The following COL4A2 variants were observed in gnomAD, a reference collection of about 807,000 sequenced individuals.
COL4A2 encodes collagen alpha-2(IV) chain.
In COL4A2, 99 loss-of-function variants were observed where a neutral mutation model predicts 200.2. The ratio of observed to expected loss-of-function variants is 0.49; its 90% CI spans 0.42 to 0.58. COL4A2 has a LOEUF of 0.58. Among genes scored for constraint, COL4A2 ranks in the 20% least tolerant of loss-of-function variants. COL4A2 has a pLI of 0.00. For missense variants in COL4A2, 1,950 were observed against 2,314.1 expected (o/e 0.84, Z 3.23); for synonymous variants, 897 against 900.6 (o/e 1.00, Z 0.07).
rs1451528719 is a variant in COL4A2 at position 110,512,081 on chromosome 13, A to C, written c.5029A>C (p.Thr1677Pro). ...CGCCAACAAGTACAGCTTCTGGCTG[A>C]CCACCATTCCCGAGCAGAGCTTCCA... Reference protein sequence around the residue: ...YYANKYSFWLTTIPEQSFQGS... With the variant: ...YYANKYSFWLPTIPEQSFQGS... The change falls in exon 48 of 48, where the codon ACC becomes CCC. Residue 1677 changes from threonine to proline, a missense_variant. Thr to Pro is a conservative substitution (Grantham distance 38). Transcript: ENST00000360467. The C allele has an allele frequency of 6.2e-7, 1 of 1,613,798 alleles. No homozygotes were observed. Among genetic ancestry groups the C allele is most frequent in the Non-Finnish European group, 8.5e-7 (1 of 1,180,042 alleles).
chr13:110,357,366 A>G, intron 3 of COL4A2, 106 bp from the exon 4 acceptor site: 1 of 1,460,274 alleles, frequency 6.8e-7, no homozygotes, highest in Non-Finnish European at 9.2e-7. Context: ...GTTTTGAATG[A>G]ATCGTTTCTA....
intron 3 of COL4A2, among the ~76,000 whole-genome samples, chr13:110,332,413 T>C (rs2139362891): frequency 6.6e-6 from 1 of 152,312 alleles, no homozygotes; most frequent in South Asian, 2.1e-4. Context: ...CGGTCAGAGA[T>C]TCAAATGCAA....
intron 20 of COL4A2, among the ~76,000 whole-genome samples, chr13:110,455,866 C>T (rs566061251): frequency 6.6e-6 from 1 of 152,328 alleles, no homozygotes; most frequent in Non-Finnish European, 1.5e-5. Flanking sequence ...GGCCTCATCC[C>T]CTGCTCCTCT....
chr13:110,504,235 T>C lies in COL4A2; in HGVS notation c.4373T>C (p.Ile1458Thr), dbSNP rs761897034. The C allele has an allele frequency of 8.1e-6, 13 of 1,613,992 alleles. No homozygotes were observed. Among genetic ancestry groups the C allele is most frequent in the South Asian group, 1.1e-5 (1 of 91,080 alleles). ...VPGFRGDEGPIGHQGPIGQEG... is the reference protein window; with the variant it reads ...VPGFRGDEGPTGHQGPIGQEG... ...GGCTTCCGGGGAGATGAAGGACCCATAGGCCACCAGGGGCCGATTGGCCAA... is the reference window on the plus strand; with the variant it reads ...GGCTTCCGGGGAGATGAAGGACCCACAGGCCACCAGGGGCCGATTGGCCAA... Residue 1458 changes from isoleucine to threonine, a missense_variant, in exon 45 of 48, where the codon ATA (isoleucine) becomes ACA (threonine). Physicochemically the swap from Ile to Thr is moderately conservative, Grantham distance 89. This residue lies in a region of COL4A2 where 1,385 missense variants were observed against 1,720.5 expected (regional missense o/e 0.80). Transcript: ENST00000360467.
chr13:110,482,035 T>C (rs1882950990), intron 31 of COL4A2, among the ~76,000 whole-genome samples: 1 of 152,230 alleles, frequency 6.6e-6, no homozygotes, highest in Admixed American at 6.5e-5. Flanking sequence ...GGTTGGTCTT[T>C]CCATTACTAG....
chr13:110,307,920 G>T lies in COL4A2; in HGVS notation c.17G>T (p.Arg6Leu), dbSNP rs1189428009. Residue 6 changes from arginine to leucine, a missense_variant, in exon 2 of 48, where the codon CGC becomes CTC. Physicochemically the swap from Arg to Leu is moderately radical, Grantham distance 102. This residue lies in a region of COL4A2 where 565 missense variants were observed against 593.5 expected (regional missense o/e 0.95). Coordinates refer to ENST00000360467, the MANE Select transcript of COL4A2 (RefSeq NM_001846.4). The surrounding 1 kb of genome is among the most constrained non-coding windows in gnomAD (Gnocchi z 5.0). Reference sequence around the variant, plus strand: ...ACCGCCAGCATGGGGAGAGACCAGCGCGCGGTGGCCGGCCCTGCCCTACGG... The same window carrying T: ...ACCGCCAGCATGGGGAGAGACCAGCTCGCGGTGGCCGGCCCTGCCCTACGG... MGRDQRAVAGPALRRW... is the reference protein window; with the variant it reads MGRDQLAVAGPALRRW... The T allele has an allele frequency of 6.2e-7, 1 of 1,612,864 alleles. No homozygotes were observed. The highest frequency in any genetic ancestry group is 8.5e-7 in the Non-Finnish European group (1 of 1,179,686).
At chr13:110,357,359 T>C in intron 3 of COL4A2, 113 bp from the exon 4 acceptor site, 1 of 1,445,034 alleles carries the variant, frequency 6.9e-7, no homozygotes, top group African/African-American at 1.4e-5. Flanking sequence ...ATTGAATGTT[T>C]TGAATGAATC....
intron 38 of COL4A2, among the ~76,000 whole-genome samples, chr13:110,492,462 C>A (rs9559824): frequency 1.3e-5 from 2 of 152,168 alleles, no homozygotes; most frequent in African/African-American, 4.8e-5. Context: ...CACTTGTCAT[C>A]GCCACACAGG....
chr13:110,457,837 G>T, intron 21 of COL4A2: 1 of 464,584 alleles, frequency 2.2e-6, no homozygotes. Context: ...GCAAGGTGCT[G>T]GTATAGTCAC....
chr13:110,485,516 C>T (rs111778927), intron 33 of COL4A2, 139 bp from the exon 34 acceptor site: 1 of 602,074 alleles, frequency 1.7e-6, no homozygotes, highest in Non-Finnish European at 2.7e-6. Context: ...GAGCGAGACT[C>T]CGTCTCAAAA....
In COL4A2 at chr13:110,508,315, G is replaced by T; in HGVS notation, c.4881+94G>T. ...TTTGTGAGAAGAATCAGACACGGCA[G>T]TCCAGGGTGTGCACTGCACAAGGGT... On this transcript the variant is annotated intron_variant, in intron 47 of 47. Coordinates refer to ENST00000360467, the MANE Select transcript of COL4A2 (RefSeq NM_001846.4). The surrounding 1 kb of genome is among the most constrained non-coding windows in gnomAD (Gnocchi z 6.1). 1 of 1,558,598 alleles carries T rather than the reference G, an allele frequency of 6.4e-7. No individual in the cohort carries two copies. Among genetic ancestry groups the T allele is most frequent in the African/African-American group, 1.3e-5 (1 of 74,340 alleles).
intron 3 of COL4A2, among the ~76,000 whole-genome samples, chr13:110,324,059 T>G (rs1310316069): frequency 6.6e-6 from 1 of 152,280 alleles, no homozygotes; most frequent in African/African-American, 2.4e-5. Flanking sequence ...ATGCAAAATA[T>G]GCTTCAACTG....
At chr13:110,308,708 AC>A (rs1197086843) in intron 3 of COL4A2, among the ~76,000 whole-genome samples, 1 of 151,950 alleles carries the variant, frequency 6.6e-6, no homozygotes, top group African/African-American at 2.4e-5. Flanking sequence ...CGGGCGCCAC[AC>A]TGGGATCCTG....
rs1594157112 is a variant in COL4A2, at chr13:110,341,014, T to A, written c.100-16458T>A. 2.0e-5 allele frequency: 3 copies of A among 152,400 alleles called. No homozygotes were observed. The East Asian group carries it at 5.8e-4, about 29-fold the overall frequency. 9.4% of individuals were successfully genotyped at this position (152,400 alleles called of 1,614,324 possible). Reference sequence around the variant, plus strand: ...TCAGTGTTTGACTGTTTATGGTATGTCAGGGAGCTGGTTCCTGGCAGTGGC... The same window carrying A: ...TCAGTGTTTGACTGTTTATGGTATGACAGGGAGCTGGTTCCTGGCAGTGGC... On this transcript the variant is annotated intron_variant, in intron 3 of 47. Transcript: ENST00000360467.
At chr13:110,461,285 CTG>C (rs1251033272) in intron 22 of COL4A2, among the ~76,000 whole-genome samples, 12 of 152,234 alleles carry the variant, frequency 7.9e-5, no homozygotes, top group Non-Finnish European at 1.6e-4. Flanking sequence ...TCCTAAACGA[CTG>C]TGTTTTAGAG....
chr13:110,426,238 G>A (rs928088171), intron 6 of COL4A2, among the ~76,000 whole-genome samples: 1 of 152,188 alleles, frequency 6.6e-6, no homozygotes, highest in Non-Finnish European at 1.5e-5. Flanking sequence ...TGAAATCTGA[G>A]TTAAAATGGA....
intron 4 of COL4A2, among the ~76,000 whole-genome samples, chr13:110,404,772 G>A (rs1879502170): frequency 6.6e-6 from 1 of 152,246 alleles, no homozygotes; most frequent in Non-Finnish European, 1.5e-5. Context: ...GAGGAGGTTA[G>A]GAGGAGGGAG....
At chr13:110,436,195 A>G in intron 12 of COL4A2, 74 bp from the exon 13 acceptor site, 1 of 1,606,468 alleles carries the variant, frequency 6.2e-7, no homozygotes, top group Non-Finnish European at 8.5e-7. Context: ...TATTTTGGCC[A>G]GGTTGTATTT....
chr13:110,311,347 GT>G (rs1884976752), intron 3 of COL4A2, among the ~76,000 whole-genome samples: 1 of 152,198 alleles, frequency 6.6e-6, no homozygotes, highest in Non-Finnish European at 1.5e-5. Context: ...TTTGAATGTG[GT>G]GCCAAGATGC....
Sources: allele counts gnomAD v4.1 joint callset (sites outside exome capture counted in the v4.1 genomes callset), GRCh38; gene constraint gnomAD v4.1.1; regional missense constraint gnomAD v4.1.1; non-coding constraint Gnocchi (gnomAD v3.1); transcripts MANE v1.5; gene names NCBI Gene and HGNC (gene_info 2026-07-23, HGNC 2026-07-21).